Variants in CUX2 observed in about 807,000 individuals in gnomAD.
CUX2 encodes cut like homeobox 2.
In CUX2, 40 loss-of-function variants were observed where a neutral mutation model predicts 144.8. The observed-to-expected ratio is 0.28, with a 90% CI of 0.21 to 0.36. The LOEUF is 0.36. Among genes scored for constraint, CUX2 ranks in the 10% least tolerant of loss-of-function variants. The probability of loss-of-function intolerance (pLI) is 1.00; values close to 1 mark genes in which losing one functional copy is unlikely to be tolerated. For missense variants in CUX2, 1,615 were observed against 1,994.0 expected (o/e 0.81, Z 3.62); for synonymous variants, 827 against 875.6 (o/e 0.94, Z 0.98).
chr12:111,240,453 C>A (rs1882967126), intron 3 of CUX2, among the ~76,000 whole-genome samples: 1 of 152,226 alleles, frequency 6.6e-6, no homozygotes, highest in Non-Finnish European at 1.5e-5. Context: ...AAGCTAACAA[C>A]CCAGACCAGT....
At chr12:111,294,099 C>T (rs1384017680) in intron 6 of CUX2, among the ~76,000 whole-genome samples, 4 of 152,188 alleles carry the variant, frequency 2.6e-5, no homozygotes, top group African/African-American at 7.2e-5. Context: ...TTTGGGAAGC[C>T]GAGGCAGGAG....
At chr12:111,045,821 C>T (rs554940756) in intron 1 of CUX2, among the ~76,000 whole-genome samples, 22 of 152,288 alleles carry the variant, frequency 1.4e-4, no homozygotes, top group African/African-American at 5.3e-4. Flanking sequence ...CAGCCCCTAC[C>T]TCATAGGGAC....
intron 1 of CUX2, among the ~76,000 whole-genome samples, chr12:111,124,978 C>T (rs1347849665): frequency 1.3e-5 from 2 of 152,136 alleles, no homozygotes; most frequent in African/African-American, 4.8e-5. Flanking sequence ...ATTCTAGTTT[C>T]TGTGGCCAGT....
intron 1 of CUX2, among the ~76,000 whole-genome samples, chr12:111,152,082 C>T (rs1877083916): frequency 1.3e-5 from 2 of 152,126 alleles, no homozygotes; most frequent in South Asian, 2.1e-4. Flanking sequence ...GTCAGGAGTT[C>T]GAGACCAGCC....
intron 1 of CUX2, among the ~76,000 whole-genome samples, chr12:111,141,389 C>T (rs1197507563): frequency 6.6e-6 from 1 of 152,114 alleles, no homozygotes; most frequent in African/African-American, 2.4e-5. Flanking sequence ...CTCAGTTTCC[C>T]TACCTGTAAA....
At chr12:111,064,407 C>T (rs1354254452) in intron 1 of CUX2, among the ~76,000 whole-genome samples, 1 of 152,134 alleles carries the variant, frequency 6.6e-6, no homozygotes, top group African/African-American at 2.4e-5. Flanking sequence ...TAAACATACG[C>T]TTATAACATT....
At chr12:111,147,159 AATGC>A (rs1421916734) in intron 1 of CUX2, among the ~76,000 whole-genome samples, 3 of 152,228 alleles carry the variant, frequency 2.0e-5, no homozygotes, top group African/African-American at 4.8e-5. Context: ...TGAGTGAATG[AATGC>A]ATGCATGCAT....
chr12:111,173,940 A>G (rs1372533035), intron 1 of CUX2, among the ~76,000 whole-genome samples: 2 of 152,176 alleles, frequency 1.3e-5, no homozygotes, highest in Non-Finnish European at 2.9e-5. Flanking sequence ...CAGGTAGCGG[A>G]AACTGCACGT....
rs1260690034 is a variant in CUX2 at position 111,320,616 on chromosome 12, G to A, written c.2607G>A (p.Pro869=). 3.2e-6 allele frequency: 5 copies of A among 1,577,348 alleles called. No individual in the cohort carries two copies. The highest frequency in any genetic ancestry group is 2.7e-5 in the African/African-American group (2 of 73,630). Residue 869 remains proline (P), a synonymous_variant, in exon 17 of 22, where the codon CCG becomes CCA. Coordinates refer to ENST00000261726, the MANE Select transcript of CUX2 (RefSeq NM_015267.4). The surrounding 1 kb of genome is among the most constrained non-coding windows in gnomAD (Gnocchi z 8.1). ...CGGGCGCGCGGCTGCCCTACTACCC[G>A]GCCTACGTGCCGCGCACCCTGAAGC... The part of the protein sequence containing the change: ...AEAGARLPYY[P]AYVPRTLKPT...
In CUX2 at chr12:111,277,038, T is replaced by A. The variant is rs928719004; in HGVS notation, c.301+13199T>A. On this transcript the variant is annotated intron_variant, in intron 4 of 21. Coordinates refer to ENST00000261726, the MANE Select transcript of CUX2 (RefSeq NM_015267.4). The surrounding 1 kb of genome is among the most constrained non-coding windows in gnomAD (Gnocchi z 5.0). Reference sequence around the variant, plus strand: ...TCAAGAAATTCCAGTTCCTCTGAGCTCTTGGCTCAGGATATCAGGTGGGGG... The same window carrying A: ...TCAAGAAATTCCAGTTCCTCTGAGCACTTGGCTCAGGATATCAGGTGGGGG... Among the ~76,000 whole-genome samples, 4 of 152,214 alleles carry A rather than the reference T, an allele frequency of 2.6e-5. No individual in the cohort carries two copies. The highest frequency in any genetic ancestry group is 5.9e-5 in the Non-Finnish European group (4 of 68,034).
Position 111,214,214 on chromosome 12 carries a change from C to A in CUX2, c.78C>A (p.Ser26=). Residue 26 remains serine, a synonymous_variant, in exon 2 of 22, where the codon TCC becomes TCA. Transcript: ENST00000261726. ...DLRRLQKELN[S]VASELSARQE... is the part of the protein sequence containing the mutation. ...TATTGTTCCAGAAGGAGCTTAATTC[C>A]GTCGCTTCTGAGCTGTCTGCACGGC... 6.5e-7 allele frequency: 1 copy of A among 1,539,462 alleles called. No homozygotes were observed. Among genetic ancestry groups the A allele is most frequent in the Non-Finnish European group, 8.7e-7 (1 of 1,145,546 alleles).
chr12:111,279,895 T>C (rs1885038465), intron 4 of CUX2, among the ~76,000 whole-genome samples: 1 of 152,200 alleles, frequency 6.6e-6, no homozygotes, highest in South Asian at 2.1e-4. Flanking sequence ...GGCAGGAGAA[T>C]CACTTGAACC....
intron 1 of CUX2, among the ~76,000 whole-genome samples, chr12:111,156,525 C>G (rs1338506449): frequency 2.0e-5 from 3 of 152,158 alleles, no homozygotes; most frequent in Non-Finnish European, 4.4e-5. Context: ...CACCTGACCC[C>G]TAGCGTCTTT....
chr12:111,245,794 T>C (rs1883252288), intron 3 of CUX2, among the ~76,000 whole-genome samples: 1 of 151,852 alleles, frequency 6.6e-6, no homozygotes, highest in South Asian at 2.1e-4. Flanking sequence ...TGTGTCCAGG[T>C]CCACAACCTG....
intron 1 of CUX2, among the ~76,000 whole-genome samples, chr12:111,207,765 A>G (rs1394884134): frequency 6.6e-6 from 1 of 152,268 alleles, no homozygotes; most frequent in South Asian, 2.1e-4. Flanking sequence ...TTCTGTGTAA[A>G]TGTTCTAGGG....
At chr12:111,236,732 TA>T (rs1450797593) in intron 3 of CUX2, among the ~76,000 whole-genome samples, 1 of 152,244 alleles carries the variant, frequency 6.6e-6, no homozygotes, top group Non-Finnish European at 1.5e-5. Context: ...TTCAATATAA[TA>T]GGGGGAGACC....
chr12:111,215,610 G>T (rs979959420), intron 2 of CUX2, among the ~76,000 whole-genome samples: 4 of 152,182 alleles, frequency 2.6e-5, no homozygotes, highest in Non-Finnish European at 5.9e-5. Flanking sequence ...GAGCCAAGAA[G>T]GCATCAGTGA....
chr12:111,340,142 G>A (rs947330277), intron 20 of CUX2, among the ~76,000 whole-genome samples: 12 of 152,190 alleles, frequency 7.9e-5, no homozygotes, highest in African/African-American at 2.9e-4. Context: ...GTTGCAGTGA[G>A]CCAAGAGGAT....
intron 1 of CUX2, among the ~76,000 whole-genome samples, chr12:111,166,392 G>A (rs898637544): frequency 1.3e-5 from 2 of 152,192 alleles, no homozygotes; most frequent in Non-Finnish European, 2.9e-5. Flanking sequence ...ATTCTGGAAA[G>A]CTGACATTAT....
Sources: allele counts gnomAD v4.1 joint callset (sites outside exome capture counted in the v4.1 genomes callset), GRCh38; gene constraint gnomAD v4.1.1; non-coding constraint Gnocchi (gnomAD v3.1); transcripts MANE v1.5; gene names NCBI Gene and HGNC (gene_info 2026-07-23, HGNC 2026-07-21).